The following HDAC4 variants were observed in gnomAD, a reference collection of about 807,000 sequenced individuals.
HDAC4 encodes histone deacetylase A.
HDAC4 carries 16 observed loss-of-function variants against 135.1 expected under a neutral mutation model. The observed-to-expected ratio is 0.12, with a 90% confidence interval of 0.08 to 0.18. HDAC4 has a LOEUF of 0.18. HDAC4 is among the 10% of genes least tolerant of loss of function. The pLI, the probability that HDAC4 is intolerant of heterozygous loss-of-function variation, is 1.00. For missense variants in HDAC4, 1,143 were observed against 1,511.8 expected, an observed-to-expected ratio of 0.76 and a Z score of 4.05; for synonymous variants, 685 against 653.4, an observed-to-expected ratio of 1.05 and a Z score of -0.74.
At chr2:239,110,132 A>G (rs1007710695) in intron 14 of HDAC4, among the ~76,000 whole-genome samples, 1 of 152,244 alleles carries the variant, frequency 6.6e-6, no homozygotes, top group Non-Finnish European at 1.5e-5. Flanking sequence ...GTTTGTGTCT[A>G]TCTGTCCATC....
At chr2:239,098,686 G>A (rs1056041560) in intron 16 of HDAC4, among the ~76,000 whole-genome samples, 21 of 152,302 alleles carry the variant, frequency 1.4e-4, no homozygotes, top group Non-Finnish European at 2.6e-4. Flanking sequence ...TTAGCGGCTT[G>A]TGGATTCCAT....
chr2:239,292,016 C>T (rs965835163), intron 2 of HDAC4, among the ~76,000 whole-genome samples: 9 of 151,520 alleles, frequency 5.9e-5, no homozygotes, highest in Admixed American at 1.3e-4. Context: ...CCAGGGGCTG[C>T]GCGCACGGCC....
Position 239,300,603 on chromosome 2 carries a change from C to A in HDAC4, c.22+52075G>T, listed in dbSNP as rs187927961. ...AGCAGGAAAAAAAAAAAATTCCCAACTGAACTTGACTCTGCTCCACCCATG... is the reference window on the plus strand; with the variant it reads ...AGCAGGAAAAAAAAAAAATTCCCAAATGAACTTGACTCTGCTCCACCCATG... On this transcript the variant is annotated intron_variant, in intron 2 of 26. Coordinates refer to ENST00000543185, the MANE Select transcript of HDAC4 (RefSeq NM_001378414.1). Among the ~76,000 whole-genome samples the A allele has an allele frequency of 1.3e-3, 203 of 152,254 alleles. 1 individual carries two copies. The highest frequency in any genetic ancestry group is 4.7e-3 in the African/African-American group (195 of 41,560).
chr2:239,352,291 A>C lies in HDAC4; in HGVS notation c.22+387T>G, dbSNP rs972046345. On this transcript the variant is annotated intron_variant, in intron 2 of 26. Transcript: ENST00000543185. The surrounding 1 kb of genome is among the most constrained non-coding windows in gnomAD (Gnocchi z 4.4). The stretch of plus-strand genomic sequence containing the variant: ...TTCTTCCCAGACAGCCCAGACGCCC[A>C]GTTGGAGGAGCACTCCCACCCCTCA... 6.6e-6 allele frequency among the ~76,000 whole-genome samples: 1 copy of C among 152,138 alleles called. No individual in the cohort carries two copies. Among genetic ancestry groups the C allele is most frequent in the African/African-American group, 2.4e-5 (1 of 41,428 alleles).
chr2:239,140,360 C>A (rs1012906342), intron 8 of HDAC4, among the ~76,000 whole-genome samples: 1 of 152,052 alleles, frequency 6.6e-6, no homozygotes, highest in East Asian at 1.9e-4. Flanking sequence ...ACCATCGGTG[C>A]GGCTTGACCC....
chr2:239,119,178 T>C (rs1031397849), intron 12 of HDAC4, among the ~76,000 whole-genome samples: 1 of 152,084 alleles, frequency 6.6e-6, no homozygotes, highest in African/African-American at 2.4e-5. Context: ...GAGTGGTGTA[T>C]GGGAGGTTTC....
chr2:239,343,378 C>T lies in HDAC4; in HGVS notation c.22+9300G>A, dbSNP rs891323790. ...CCTTCAGTCCCAACATTCTAAGGACCGGCAAAGAGAGCTCAGAGAAAGTTC... is the reference window on the plus strand; with the variant it reads ...CCTTCAGTCCCAACATTCTAAGGACTGGCAAAGAGAGCTCAGAGAAAGTTC... On this transcript the variant is annotated intron_variant, in intron 2 of 26. Coordinates refer to ENST00000543185, the MANE Select transcript of HDAC4 (RefSeq NM_001378414.1). 4.6e-5 allele frequency among the ~76,000 whole-genome samples: 7 copies of T among 152,126 alleles called. No homozygotes were observed. The South Asian group carries it at 1.0e-3, about 22-fold the overall frequency.
At chr2:239,124,589 C>T (rs1490104130) in intron 12 of HDAC4, among the ~76,000 whole-genome samples, 4 of 117,012 alleles carry the variant, frequency 3.4e-5, no homozygotes, top group African/African-American at 2.1e-4. Context: ...CATGTGGCCG[C>T]ACGTCATTCC....
chr2:239,135,864 G>C (rs2040918597), intron 9 of HDAC4, among the ~76,000 whole-genome samples: 1 of 152,178 alleles, frequency 6.6e-6, no homozygotes, highest in Admixed American at 6.5e-5. Flanking sequence ...CATTAAGTTA[G>C]AAAAACAGGT....
intron 22 of HDAC4, among the ~76,000 whole-genome samples, chr2:239,076,401 T>TA (rs2034769172): frequency 6.6e-6 from 1 of 152,210 alleles, no homozygotes; most frequent in Non-Finnish European, 1.5e-5. Context: ...GGCCTGTACA[T>TA]ACCATCCTCA....
chr2:239,125,166 A>G (rs538068895), intron 12 of HDAC4, among the ~76,000 whole-genome samples: 1 of 152,228 alleles, frequency 6.6e-6, no homozygotes, highest in Non-Finnish European at 1.5e-5. Context: ...CTAGCCCCCA[A>G]TACTGGAGGT....
chr2:239,095,018 C>A lies in HDAC4; in HGVS notation c.2272G>T (p.Gly758Cys). 1 of 1,613,932 alleles carries A rather than the reference C, an allele frequency of 6.2e-7. No homozygotes were observed. Among genetic ancestry groups the A allele is most frequent in the Non-Finnish European group, 8.5e-7 (1 of 1,180,004 alleles). ...ASVFVRLPCGGVGVDSDTIWN... is the reference protein window; with the variant it reads ...ASVFVRLPCGCVGVDSDTIWN... ...ATTAAAGGAACACTTACCCCAACAC[C>A]ACCGCAAGGGAGCCGGACGAACACG... The change falls in exon 17 of 27, where the codon GGT becomes TGT. Residue 758 changes from glycine to cysteine, a missense_variant. Coordinates refer to ENST00000543185, the MANE Select transcript of HDAC4 (RefSeq NM_001378414.1).
chr2:239,288,514 G>A (rs974182448), intron 2 of HDAC4, among the ~76,000 whole-genome samples: 4 of 151,974 alleles, frequency 2.6e-5, no homozygotes, highest in South Asian at 2.1e-4. Context: ...AACTAGCATC[G>A]TTACTTTAAC....
chr2:239,316,937 CAG>C (rs1406956423), intron 2 of HDAC4, among the ~76,000 whole-genome samples: 8 of 152,096 alleles, frequency 5.3e-5, no homozygotes, highest in East Asian at 1.9e-4. Context: ...AAAAAGTACA[CAG>C]GGGGAAAAAT....
chr2:239,351,175 G>C (rs1201776852), intron 2 of HDAC4, among the ~76,000 whole-genome samples: 1 of 152,164 alleles, frequency 6.6e-6, no homozygotes, highest in Non-Finnish European at 1.5e-5. Context: ...CCACTTCCTG[G>C]AATTTGTCTA....
intron 2 of HDAC4, among the ~76,000 whole-genome samples, chr2:239,274,364 C>T (rs945768124): frequency 1.3e-5 from 2 of 152,114 alleles, no homozygotes; most frequent in African/African-American, 4.8e-5. Context: ...TATAAACACA[C>T]TTGTGATCAT....
rs1415071014 is a variant in HDAC4 at position 239,146,480 on chromosome 2, G to A, written c.734-1766C>T. 1.3e-5 allele frequency among the ~76,000 whole-genome samples: 2 copies of A among 152,060 alleles called. No homozygotes were observed. The highest frequency in any genetic ancestry group is 6.5e-5 in the Admixed American group (1 of 15,280). On this transcript the variant is annotated intron_variant, in intron 7 of 26. Transcript: ENST00000543185. The surrounding 1 kb of genome is among the most constrained non-coding windows in gnomAD (Gnocchi z 4.5). ...CACATAGAGTGGGACACGTGGCATC[G>A]GGAGGCGGGCATGACATGGTCACTC...
At position 239,053,449 on chromosome 2, in the gene HDAC4, C is replaced by G. The variant is rs769693243; in HGVS notation, c.3230+11G>C. The G allele has an allele frequency of 1.2e-6, 2 of 1,611,382 alleles. No homozygotes were observed. The highest frequency in any genetic ancestry group is 1.7e-6 in the Non-Finnish European group (2 of 1,178,692). On this transcript the variant is annotated intron_variant, in intron 26 of 26. Coordinates refer to ENST00000543185, the MANE Select transcript of HDAC4 (RefSeq NM_001378414.1). ...GTGAGCCTGCAGGCGGGCGGCAGGG[C>G]AGGTGCTCACCTCTTTTCGGCGGGC... is the stretch of plus-strand genomic sequence containing the variant.
chr2:239,387,236 G>T (rs530810453), intron 1 of HDAC4, among the ~76,000 whole-genome samples: 2 of 152,312 alleles, frequency 1.3e-5, no homozygotes, highest in Non-Finnish European at 2.9e-5. Context: ...CCTGGATGGG[G>T]TCACCCACTG....
Sources: gnomAD v4.1 joint callset for allele counts (sites outside exome capture counted in the v4.1 genomes callset) on GRCh38, gnomAD v4.1.1 for gene constraint, Gnocchi (gnomAD v3.1) non-coding constraint, MANE v1.5 for transcripts, NCBI Gene and HGNC (gene_info 2026-07-23, HGNC 2026-07-21) for gene names.